Variants in HDAC9 observed in about 807,000 individuals in gnomAD.
The protein encoded by HDAC9 is histone deacetylase 9.
In HDAC9, 41 loss-of-function variants were observed where a neutral mutation model predicts 139.4. That is an observed-to-expected ratio of 0.29 (90% CI 0.23 to 0.38). The LOEUF (loss-of-function observed/expected upper bound fraction) is 0.38, where lower values mean the gene tolerates loss of function less well. HDAC9 is among the 10% of genes least tolerant of loss of function. The pLI is 1.00. For missense variants in HDAC9, 1,147 were observed against 1,297.0 expected (o/e 0.88, Z 1.78); for synonymous variants, 517 against 476.2 (o/e 1.09, Z -1.12).
chr7:18,138,280 G>T (rs990555269), intron 1 of HDAC9, among the ~76,000 whole-genome samples: 1 of 151,940 alleles, frequency 6.6e-6, no homozygotes, highest in African/African-American at 2.4e-5. Flanking sequence ...TCTTTGTAAG[G>T]GTTCTAAGGA....
chr7:18,478,914 A>G (rs559534320), intron 1 of HDAC9, among the ~76,000 whole-genome samples: 4 of 152,212 alleles, frequency 2.6e-5, no homozygotes, highest in Non-Finnish European at 5.9e-5. Context: ...TGTGGATTGG[A>G]CATTAGAGTT....
intron 1 of HDAC9, among the ~76,000 whole-genome samples, chr7:18,332,188 G>A (rs1462622254): frequency 6.6e-6 from 1 of 151,638 alleles, no homozygotes; most frequent in African/African-American, 2.4e-5. Context: ...TTCATTTAGA[G>A]ATTTTCAAAC....
In HDAC9 at chr7:18,932,827, G is replaced by T. The variant is rs2717355; in HGVS notation, c.2804-2982G>T. On this transcript the variant is annotated intron_variant, in intron 22 of 25. Transcript: ENST00000686413. ...AAGAAAGAAAGATAGAAAGAAAGAA[G>T]GAAGGAAGGAAGGAAGGAAAAAAAG... Among the ~76,000 whole-genome samples, 3 of 85,108 alleles carry T rather than the reference G, an allele frequency of 3.5e-5. No homozygotes were observed. In the South Asian group the frequency reaches 1.0e-3, roughly 28 times the overall value. The allele number at this position is 85,108 out of a possible 152,430, so 55.8% of individuals were successfully genotyped here. A position where few individuals can be genotyped will look rare whatever the true frequency, so the allele number is the denominator to read the frequency against.
chr7:18,796,623 T>C (rs1331161802), intron 17 of HDAC9, among the ~76,000 whole-genome samples: 1 of 152,186 alleles, frequency 6.6e-6, no homozygotes, highest in Non-Finnish European at 1.5e-5. Context: ...GTATTCAAAT[T>C]GGCTATTTCT....
chr7:18,361,107 C>T (rs1190004137), intron 1 of HDAC9, among the ~76,000 whole-genome samples: 1 of 151,676 alleles, frequency 6.6e-6, no homozygotes, highest in South Asian at 2.1e-4. Flanking sequence ...TTTTTTTTTC[C>T]TCCCAGGTGG....
intron 1 of HDAC9, among the ~76,000 whole-genome samples, chr7:18,345,233 A>G (rs575224389): frequency 2.6e-5 from 4 of 152,020 alleles, no homozygotes; most frequent in African/African-American, 9.7e-5. Flanking sequence ...CTTCTAGATA[A>G]TGCTGTGTCC....
intron 12 of HDAC9, among the ~76,000 whole-genome samples, chr7:18,687,986 A>T (rs958396895): frequency 6.6e-6 from 1 of 151,856 alleles, no homozygotes; most frequent in African/African-American, 2.4e-5. Context: ...TGAGGTAGCT[A>T]TCAGATTTCC....
chr7:18,855,703 A>G (rs962567400), intron 21 of HDAC9, among the ~76,000 whole-genome samples: 1 of 151,906 alleles, frequency 6.6e-6, no homozygotes, highest in South Asian at 2.1e-4. Context: ...TCCCTTGCAT[A>G]GGTCAGAAGG....
intron 1 of HDAC9, among the ~76,000 whole-genome samples, chr7:18,467,547 T>G (rs912160608): frequency 1.3e-5 from 2 of 152,182 alleles, no homozygotes; most frequent in Non-Finnish European, 2.9e-5. Flanking sequence ...TACTTGCCAT[T>G]TATATTACCG....
intron 1 of HDAC9, among the ~76,000 whole-genome samples, chr7:18,383,259 G>A (rs1278814716): frequency 6.6e-6 from 1 of 152,194 alleles, no homozygotes. Flanking sequence ...CTCGTGCAGG[G>A]ATGGCACATT....
chr7:18,363,469 T>A (rs1250627949), intron 1 of HDAC9, among the ~76,000 whole-genome samples: 1 of 152,206 alleles, frequency 6.6e-6, no homozygotes, highest in Non-Finnish European at 1.5e-5. Context: ...TTTTGGAGAC[T>A]TCTGATGGTT....
intron 19 of HDAC9, among the ~76,000 whole-genome samples, chr7:18,832,971 GGT>G (rs1795969337): frequency 6.6e-6 from 1 of 151,886 alleles, no homozygotes; most frequent in Non-Finnish European, 1.5e-5. Flanking sequence ...CCCAACCTCA[GGT>G]GATCTGCCCA....
At chr7:18,940,960 G>A (rs1178778704) in intron 23 of HDAC9, among the ~76,000 whole-genome samples, 1 of 152,074 alleles carries the variant, frequency 6.6e-6, no homozygotes, top group African/African-American at 2.4e-5. Flanking sequence ...AAGATCACCT[G>A]TCAATACCGA....
Position 18,705,861 on chromosome 7 carries a change from A to T in HDAC9, c.1732-21719A>T, listed in dbSNP as rs946791294. Reference sequence around the variant, plus strand: ...GAGAGAGACTCTGTCTCAAAAAAAAAAATAAAATAAAATAAAATAAAAGAA... The same window carrying T: ...GAGAGAGACTCTGTCTCAAAAAAAATAATAAAATAAAATAAAATAAAAGAA... On this transcript the variant is annotated intron_variant, in intron 12 of 25. Coordinates refer to ENST00000686413, the MANE Select transcript of HDAC9 (RefSeq NM_178425.4). Among the ~76,000 whole-genome samples the T allele has an allele frequency of 2.6e-4, 32 of 123,098 alleles. 1 individual carries two copies. The highest frequency in any genetic ancestry group is 4.2e-4 in the Non-Finnish European group (28 of 66,576). 80.8% of individuals were successfully genotyped at this position (123,098 alleles called of 152,430 possible).
intron 24 of HDAC9, among the ~76,000 whole-genome samples, chr7:18,964,889 G>C (rs1242147062): frequency 2.6e-5 from 4 of 152,190 alleles, no homozygotes; most frequent in Non-Finnish European, 5.9e-5. Flanking sequence ...GATGAGATTT[G>C]GGTGGGGGCA....
chr7:18,992,584 C>G (rs1402103761), intron 25 of HDAC9, among the ~76,000 whole-genome samples: 1 of 152,058 alleles, frequency 6.6e-6, no homozygotes, highest in Non-Finnish European at 1.5e-5. Flanking sequence ...AAATGTTTTA[C>G]TACGTAACAG....
At chr7:18,427,960 C>G (rs553604870) in intron 1 of HDAC9, among the ~76,000 whole-genome samples, 2 of 152,094 alleles carry the variant, frequency 1.3e-5, no homozygotes, top group Non-Finnish European at 2.9e-5. Flanking sequence ...GTTTTAGTTA[C>G]CTCATGTAAG....
chr7:18,780,560 T>A (rs1402753048), intron 16 of HDAC9, among the ~76,000 whole-genome samples: 2 of 152,024 alleles, frequency 1.3e-5, no homozygotes, highest in African/African-American at 4.8e-5. Context: ...AAGCACCCAA[T>A]GCTGGCAAGC....
intron 22 of HDAC9, among the ~76,000 whole-genome samples, chr7:18,927,454 C>T (rs1282548271): frequency 1.3e-5 from 2 of 152,096 alleles, no homozygotes; most frequent in Non-Finnish European, 2.9e-5. Context: ...AACATGGTAA[C>T]TTAATGACCA....
Sources: gnomAD v4.1 joint callset for allele counts (sites outside exome capture counted in the v4.1 genomes callset) on GRCh38, gnomAD v4.1.1 for gene constraint, MANE v1.5 for transcripts, NCBI Gene and HGNC (gene_info 2026-07-23, HGNC 2026-07-21) for gene names.